Variants in GUCA2A observed in about 807,000 individuals in gnomAD.
GUCA2A encodes guanylin.
GUCA2A carries 17 observed loss-of-function variants against 11.2 expected under a neutral mutation model. The ratio of observed to expected loss-of-function variants is 1.52; its 90% CI spans 1.04 to 2.28. GUCA2A has a LOEUF of 2.28. Ranked by LOEUF, GUCA2A falls within the 30% of genes most tolerant of loss-of-function variation. GUCA2A has a pLI of 0.00. For synonymous variants in GUCA2A, 64 were observed against 57.1 expected (o/e 1.12, Z -0.54); for missense variants, 173 against 139.3 (o/e 1.24, Z -1.22).
At chr1:42,164,479 G>A (rs1203616432) in intron 1 of GUCA2A, among the ~76,000 whole-genome samples, 159 bp downstream of exon 1, 1 of 152,236 alleles carries the variant, frequency 6.6e-6, no homozygotes, top group East Asian at 1.9e-4. Flanking sequence ...AGGGAAAGGT[G>A]TGTGTGTGGC....
chr1:42,164,248 C>T (rs1646142853), intron 1 of GUCA2A, among the ~76,000 whole-genome samples: 1 of 152,232 alleles, frequency 6.6e-6, no homozygotes. Flanking sequence ...CTTCCCACAG[C>T]CATGTGCCCA....
chr1:42,163,108 T>C, intron 2 of GUCA2A, 138 bp from the exon 3 acceptor site: 2 of 714,292 alleles, frequency 2.8e-6, no homozygotes, highest in Non-Finnish European at 2.4e-6. Context: ...ACTGGGCTTT[T>C]CGCCCCAAAC....
At position 42,164,575 on chromosome 1, in the gene GUCA2A, G is replaced by A; in HGVS notation, c.75+63C>T. The A allele has an allele frequency of 1.2e-5, 11 of 942,856 alleles. No individual in the cohort carries two copies. In the South Asian group the frequency reaches 1.3e-4, roughly 11 times the overall value. The allele number at this position is 942,856 out of a possible 1,614,324, so 58.4% of individuals were successfully genotyped here. A position where few individuals can be genotyped will look rare whatever the true frequency, so the allele number is the denominator to read the frequency against. Reference sequence around the variant, plus strand: ...CCCAAAGAGGAGGTACTCTCTCAGGGGACCAGACCTGGGCACTAGGGGCAG... The same window carrying A: ...CCCAAAGAGGAGGTACTCTCTCAGGAGACCAGACCTGGGCACTAGGGGCAG... On this transcript the variant is annotated intron_variant, in intron 1 of 2. Coordinates refer to ENST00000357001, the MANE Select transcript of GUCA2A (RefSeq NM_033553.3).
rs201386677 is a variant in GUCA2A at position 42,163,513 on chromosome 1, G to T, written c.173C>A (p.Pro58His). 9 of 1,613,322 alleles carry T rather than the reference G, an allele frequency of 5.6e-6. No individual in the cohort carries two copies. The East Asian group carries it at 1.6e-4, about 28-fold the overall frequency. The change falls in exon 2 of 3, where the codon CCC becomes CAC. Residue 58 changes from proline to histidine, a missense_variant. By Grantham distance (77) the Pro-to-His change is moderately conservative. Transcript: ENST00000357001. ...PRVGKLRNFAPIPGEPVVPIL... is the reference protein window; with the variant it reads ...PRVGKLRNFAHIPGEPVVPIL... The stretch of plus-strand genomic sequence containing the variant: ...GGGAACCACAGGTTCACCAGGGATG[G>T]GTGCAAAGTTCCTGAGTTTCCCAAC...
At chr1:42,163,651 C>T (rs760005989) in intron 1 of GUCA2A, 41 bp from the exon 2 acceptor site, 11 of 1,425,644 alleles carry the variant, frequency 7.7e-6, no homozygotes, top group Admixed American at 1.8e-5. Flanking sequence ...AGGCTGCAGC[C>T]TGCTTCCTGG....
rs775114835 is a variant in GUCA2A, at chr1:42,163,610, C to A, written c.76G>T (p.Asp26Tyr). 1 of 1,606,380 alleles carries A rather than the reference C, an allele frequency of 6.2e-7. No individual in the cohort carries two copies. Among genetic ancestry groups the A allele is most frequent in the Admixed American group, 1.7e-5 (1 of 59,476 alleles). Residue 26 changes from aspartate (D) to tyrosine (Y), a missense_variant and splice_region_variant, in exon 2 of 3, where the codon GAT becomes TAT. Coordinates refer to ENST00000357001, the MANE Select transcript of GUCA2A (RefSeq NM_033553.3). ...AALAGGVTVQDGNFSFSLESV... is the reference protein window; with the variant it reads ...AALAGGVTVQYGNFSFSLESV... ...TCCAGAGAAAAGGAGAAATTTCCAT[C>A]CTGGAAGAGAGAAGCCCAGAGCATG...
At position 42,162,927 on chromosome 1, in the gene GUCA2A, G is replaced by T; in HGVS notation, c.327C>A (p.Tyr109Ter). 2 of 1,613,548 alleles carry T rather than the reference G, an allele frequency of 1.2e-6. No homozygotes were observed. Among genetic ancestry groups the T allele is most frequent in the South Asian group, 2.2e-5 (2 of 91,072 alleles). ...CCCCCTAGCATCCGGTACAGGCAGC[G>T]TAGGCACAGATTTCACATGTGCCCG... Reference protein sequence around the residue: ...EDPGTCEICAYAACTGC With the variant: ...EDPGTCEICA The change falls in exon 3 of 3, where the codon TAC (tyrosine) becomes TAA (stop). Residue 109 changes from tyrosine to a stop codon, truncating the protein, a stop_gained. Coordinates refer to ENST00000357001, the MANE Select transcript of GUCA2A (RefSeq NM_033553.3). LOFTEE classifies it high-confidence loss of function.
At chr1:42,163,061 G>T (rs530623541) in intron 2 of GUCA2A, 91 bp from the exon 3 acceptor site, 2 of 1,018,046 alleles carry the variant, frequency 2.0e-6, no homozygotes, top group South Asian at 2.7e-5. Context: ...TCACCACCCA[G>T]CCCCAGGAGA....
At position 42,162,877 on chromosome 1, in the gene GUCA2A, G is replaced by C; in HGVS notation, c.*29C>G. On this transcript the variant is annotated 3_prime_UTR_variant, in exon 3 of 3. Transcript: ENST00000357001. ...AGGAGAAAAGAGCTTCCCTGCTGCG[G>C]AGGGGAGGCAGGCAGTGGGCAAGCC... 2 of 1,577,394 alleles carry C rather than the reference G, an allele frequency of 1.3e-6. No homozygotes were observed. Among genetic ancestry groups the C allele is most frequent in the Non-Finnish European group, 1.7e-6 (2 of 1,146,932 alleles).
Position 42,163,040 on chromosome 1 carries a change from G to A in GUCA2A, c.284-70C>T. ...CGAGGCCCCTGCCGCCCTTGGCCCA[G>A]AGCTTGTACGTCACCACCCAGCCCC... is the stretch of plus-strand genomic sequence containing the variant. On this transcript the variant is annotated intron_variant, in intron 2 of 2. Coordinates refer to ENST00000357001, the MANE Select transcript of GUCA2A (RefSeq NM_033553.3). The A allele has an allele frequency of 5.0e-6, 6 of 1,207,388 alleles. No homozygotes were observed. The South Asian group carries it at 6.2e-5, about 12-fold the overall frequency. 74.8% of individuals were successfully genotyped at this position (1,207,388 alleles called of 1,614,324 possible).
In GUCA2A at chr1:42,162,883, A is replaced by T. The variant is rs749325546; in HGVS notation, c.*23T>A. 9.4e-6 allele frequency: 15 copies of T among 1,590,180 alleles called. No homozygotes were observed. In the South Asian group the frequency reaches 1.5e-4, roughly 16 times the overall value. On this transcript the variant is annotated 3_prime_UTR_variant, in exon 3 of 3. Coordinates refer to ENST00000357001, the MANE Select transcript of GUCA2A (RefSeq NM_033553.3). Reference sequence around the variant, plus strand: ...AAAGAGCTTCCCTGCTGCGGAGGGGAGGCAGGCAGTGGGCAAGCCCCCCTA... The same window carrying T: ...AAAGAGCTTCCCTGCTGCGGAGGGGTGGCAGGCAGTGGGCAAGCCCCCCTA...
chr1:42,162,984 A>G lies in GUCA2A; in HGVS notation c.284-14T>C, dbSNP rs1646136125. 6.2e-7 allele frequency: 1 copy of G among 1,609,406 alleles called. No homozygotes were observed. The highest frequency in any genetic ancestry group is 1.1e-5 in the South Asian group (1 of 90,988). ...CAGCGATTTCCTCTGCACAACAGAGATGGAGCCTCGTGAGAACCAGCATTT... is the reference window on the plus strand; with the variant it reads ...CAGCGATTTCCTCTGCACAACAGAGGTGGAGCCTCGTGAGAACCAGCATTT... On this transcript the variant is annotated splice_polypyrimidine_tract_variant and intron_variant, in intron 2 of 2. Coordinates refer to ENST00000357001, the MANE Select transcript of GUCA2A (RefSeq NM_033553.3).
intron 1 of GUCA2A, 99 bp from the exon 2 acceptor site, chr1:42,163,709 C>G: frequency 1.3e-6 from 1 of 766,344 alleles, no homozygotes; most frequent in Non-Finnish European, 2.1e-6. Context: ...TGCTCACAGG[C>G]AGTGTTCGTG....
Position 42,163,403 on chromosome 1 carries a change from C to T in GUCA2A, c.283G>A (p.Glu95Lys), listed in dbSNP as rs1181117022. Residue 95 changes from glutamate (E) to lysine (K), a missense_variant and splice_region_variant, in exon 2 of 3, where the codon GAG (glutamate) becomes AAG (lysine). Glu to Lys is a moderately conservative substitution (Grantham distance 56). Coordinates refer to ENST00000357001, the MANE Select transcript of GUCA2A (RefSeq NM_033553.3). ...PNAQEILQRL[E>K]EIAEDPGTCE... ...ATCAGAGAGGAAGGAGGCTGCTCAC[C>T]CAGCCTCTGAAGTATCTCCTGGGCA... 1.3e-6 allele frequency: 2 copies of T among 1,592,404 alleles called. No individual in the cohort carries two copies. Among genetic ancestry groups the T allele is most frequent in the South Asian group, 2.2e-5 (2 of 90,554 alleles).
intron 1 of GUCA2A, 73 bp from the exon 2 acceptor site, chr1:42,163,683 C>T (rs930392587): frequency 1.3e-5 from 13 of 1,001,866 alleles, no homozygotes; most frequent in African/African-American, 9.6e-5. Context: ...GTGCTGGCCC[C>T]GGTCCAGCCC....
intron 2 of GUCA2A, 23 bp downstream of exon 2, chr1:42,163,380 C>A: frequency 3.3e-6 from 5 of 1,504,168 alleles, no homozygotes; most frequent in Non-Finnish European, 4.6e-6. Context: ...CCCCACCAAT[C>A]AGAGAGGAAG....
chr1:42,162,998 GA>G, intron 2 of GUCA2A, 28 bp from the exon 3 acceptor site: 1 of 1,593,822 alleles, frequency 6.3e-7, no homozygotes, highest in Non-Finnish European at 8.6e-7. Context: ...AGCCTCGTGA[GA>G]ACCAGCATTT....
chr1:42,163,052 C>G (rs1056045795), intron 2 of GUCA2A, 82 bp from the exon 3 acceptor site: 16 of 1,076,296 alleles, frequency 1.5e-5, no homozygotes, highest in Non-Finnish European at 1.7e-5. Flanking sequence ...GCTTGTACGT[C>G]ACCACCCAGC....
intron 1 of GUCA2A, among the ~76,000 whole-genome samples, 187 bp from the exon 2 acceptor site, chr1:42,163,797 T>C (rs1646140803): frequency 1.3e-5 from 2 of 152,150 alleles, no homozygotes; most frequent in Admixed American, 1.3e-4. Context: ...CTTGGCTCCG[T>C]GATGCTGGAC....
Sources: gnomAD v4.1 joint callset for allele counts (sites outside exome capture counted in the v4.1 genomes callset) on GRCh38, gnomAD v4.1.1 for gene constraint, MANE v1.5 for transcripts, NCBI Gene and HGNC (gene_info 2026-07-23, HGNC 2026-07-21) for gene names.